Variants in KATNAL1 observed in about 807,000 individuals in gnomAD.
The protein encoded by KATNAL1 is katanin catalytic subunit A1 like 1.
In KATNAL1, 32 loss-of-function variants were observed where a neutral mutation model predicts 55.2. The ratio of observed to expected loss-of-function variants is 0.58; its 90% CI spans 0.44 to 0.78. The LOEUF is 0.78. Among genes scored for constraint, KATNAL1 ranks in the 30% least tolerant of loss-of-function variants. The pLI is 0.00. For missense variants in KATNAL1, 466 were observed against 600.9 expected (o/e 0.78, Z 2.35); for synonymous variants, 193 against 193.6 (o/e 1.00, Z 0.02).
At chr13:30,292,028 T>C (rs2137554432) in intron 1 of KATNAL1, among the ~76,000 whole-genome samples, 1 of 151,462 alleles carries the variant, frequency 6.6e-6, no homozygotes, top group Non-Finnish European at 1.5e-5. Flanking sequence ...AGAGCGAAAC[T>C]CCATCTCAAA....
chr13:30,278,813 T>A (rs1393901294), intron 3 of KATNAL1, among the ~76,000 whole-genome samples: 8 of 152,346 alleles, frequency 5.3e-5, no homozygotes, highest in Middle Eastern at 3.4e-3. Context: ...GGAACTTCCA[T>A]GGTAACACTG....
intron 1 of KATNAL1, among the ~76,000 whole-genome samples, chr13:30,302,762 TGA>T (rs368062601): frequency 1.3e-5 from 2 of 152,328 alleles, no homozygotes; most frequent in Admixed American, 6.5e-5. Context: ...TAACATCCTT[TGA>T]GAGAGGGGCC....
Position 30,277,851 on chromosome 13 carries a change from C to T in KATNAL1, c.323+2212G>A, listed in dbSNP as rs371363019. 8.6e-5 allele frequency among the ~76,000 whole-genome samples: 13 copies of T among 150,682 alleles called. No individual in the cohort carries two copies. The East Asian group carries it at 1.6e-3, about 18-fold the overall frequency. On this transcript the variant is annotated intron_variant, in intron 3 of 10. Coordinates refer to ENST00000380615, the MANE Select transcript of KATNAL1 (RefSeq NM_032116.5). ...ACAAAAAATTAGCCGGGCGTAGTGG[C>T]GGGCGCCTGTAGTCCCAGCTACTTG...
chr13:30,260,468 T>C (rs960326629), intron 3 of KATNAL1, among the ~76,000 whole-genome samples: 8 of 152,002 alleles, frequency 5.3e-5, no homozygotes, highest in African/African-American at 1.7e-4. Context: ...GTTGAAAACT[T>C]TGAAAAAAGT....
intron 3 of KATNAL1, among the ~76,000 whole-genome samples, chr13:30,278,156 C>A (rs1454716484): frequency 2.0e-5 from 3 of 151,718 alleles, no homozygotes; most frequent in Non-Finnish European, 4.4e-5. Flanking sequence ...TCTAGTAGAA[C>A]CTTGTGGAGT....
intron 4 of KATNAL1, among the ~76,000 whole-genome samples, chr13:30,254,727 A>T (rs894683594): frequency 1.3e-5 from 2 of 152,240 alleles, no homozygotes. Flanking sequence ...TGATTACATT[A>T]TCATTCATTT....
At position 30,243,301 on chromosome 13, in the gene KATNAL1, A is replaced by C. The variant is rs111943094; in HGVS notation, c.493-2215T>G. Among the ~76,000 whole-genome samples the C allele has an allele frequency of 6.2e-3, 944 of 152,330 alleles. 6 individuals carry two copies. The highest frequency in any genetic ancestry group is 0.024 in the South Asian group (114 of 4,830). ...TTCTATTTGAGGAAAATTAGGCTCA[A>C]AGTGACTAACCAAATATTACAGAGC... On this transcript the variant is annotated intron_variant, in intron 4 of 10. Transcript: ENST00000380615.
rs1445122685 is a variant in KATNAL1 at position 30,223,488 on chromosome 13, C to T, written c.1147+3924G>A. 2.6e-5 allele frequency among the ~76,000 whole-genome samples: 3 copies of T among 117,472 alleles called. No individual in the cohort carries two copies. The East Asian group carries it at 6.8e-4, about 27-fold the overall frequency. 77.1% of individuals were successfully genotyped at this position (117,472 alleles called of 152,430 possible). A position where few individuals can be genotyped will look rare whatever the true frequency, so the allele number is the denominator to read the frequency against. On this transcript the variant is annotated intron_variant, in intron 9 of 10. Coordinates refer to ENST00000380615, the MANE Select transcript of KATNAL1 (RefSeq NM_032116.5). The stretch of plus-strand genomic sequence containing the variant: ...AAAAACTGCACCGTAAATATAAAGA[C>T]AGGGTAGGGTAAAAATTAAAGATAA...
At chr13:30,299,740 G>A (rs1882746131) in intron 1 of KATNAL1, among the ~76,000 whole-genome samples, 1 of 152,154 alleles carries the variant, frequency 6.6e-6, no homozygotes, top group Non-Finnish European at 1.5e-5. Flanking sequence ...AACTGACCCA[G>A]CAAAGTTGCC....
intron 3 of KATNAL1, among the ~76,000 whole-genome samples, chr13:30,261,533 A>C (rs557610757): frequency 1.9e-4 from 29 of 152,310 alleles, no homozygotes; most frequent in East Asian, 1.2e-3. Context: ...TCTACCAAGC[A>C]AATGGAAAAC....
intron 3 of KATNAL1, among the ~76,000 whole-genome samples, chr13:30,274,899 G>GCA (rs1437272219): frequency 1.2e-4 from 14 of 112,374 alleles, no homozygotes; most frequent in South Asian, 2.9e-4. Flanking sequence ...ATACGCGCGC[G>GCA]CGCGCGCGCA....
chr13:30,261,732 C>G (rs1280838012), intron 3 of KATNAL1, among the ~76,000 whole-genome samples: 1 of 152,160 alleles, frequency 6.6e-6, no homozygotes, highest in Non-Finnish European at 1.5e-5. Context: ...CCTGAGTGAC[C>G]TACAAAGAGA....
chr13:30,205,929 T>A lies in KATNAL1; in HGVS notation c.*2611A>T, dbSNP rs1208164085. On this transcript the variant is annotated 3_prime_UTR_variant, in exon 11 of 11. Coordinates refer to ENST00000380615, the MANE Select transcript of KATNAL1 (RefSeq NM_032116.5). ...CAACACACTGTCTTCTGAAATAGTG[T>A]GTGTGTGTGTGTGTGTGTGTGTGTG... 1.1e-4 allele frequency: 1 copy of A among 9,478 alleles called. No homozygotes were observed. The highest frequency in any genetic ancestry group is 1.6e-3 in the Admixed American group (1 of 620). The allele number at this position is 9,478 out of a possible 1,614,324, so 0.6% of individuals were successfully genotyped here.
chr13:30,248,232 C>CA (rs1877972794), intron 4 of KATNAL1, among the ~76,000 whole-genome samples: 1 of 151,934 alleles, frequency 6.6e-6, no homozygotes, highest in Admixed American at 6.6e-5. Context: ...TCATCCCTGT[C>CA]AAAGACTAAG....
At chr13:30,216,880 G>C (rs547679384) in intron 9 of KATNAL1, among the ~76,000 whole-genome samples, 1 of 152,304 alleles carries the variant, frequency 6.6e-6, no homozygotes, top group South Asian at 2.1e-4. Context: ...GAATACCACT[G>C]TATGTGTAAA....
chr13:30,263,204 T>C (rs1202732643), intron 3 of KATNAL1, among the ~76,000 whole-genome samples: 2 of 152,168 alleles, frequency 1.3e-5, no homozygotes, highest in Non-Finnish European at 2.9e-5. Context: ...AAATTAGGTA[T>C]TGATGGGACG....
Position 30,241,092 on chromosome 13 carries a change from G to T in KATNAL1, c.493-6C>A. On this transcript the variant is annotated splice_polypyrimidine_tract_variant and splice_region_variant and intron_variant, in intron 4 of 10. Transcript: ENST00000380615. ...TCTTGCATATTCTTCCTTCCCTGGGGATAGGTATAAAAAAAAAGTACTAGT... is the reference window on the plus strand; with the variant it reads ...TCTTGCATATTCTTCCTTCCCTGGGTATAGGTATAAAAAAAAAGTACTAGT... 6.2e-7 allele frequency: 1 copy of T among 1,609,988 alleles called. No homozygotes were observed. Among genetic ancestry groups the T allele is most frequent in the Non-Finnish European group, 8.5e-7 (1 of 1,178,984 alleles).
chr13:30,223,089 C>T lies in KATNAL1; in HGVS notation c.1147+4323G>A, dbSNP rs375634010. 1.9e-4 allele frequency among the ~76,000 whole-genome samples: 28 copies of T among 151,086 alleles called. 2 individuals are homozygous for T. In the East Asian group the frequency reaches 2.1e-3, roughly 12 times the overall value. On this transcript the variant is annotated intron_variant, in intron 9 of 10. Coordinates refer to ENST00000380615, the MANE Select transcript of KATNAL1 (RefSeq NM_032116.5). ...CCGCCTGGGCAACAGAGTGAGGCTC[C>T]GACTTAAACAAACAAACAAAAAAGA...
intron 6 of KATNAL1, among the ~76,000 whole-genome samples, chr13:30,232,778 T>G (rs1227994538): frequency 3.9e-5 from 6 of 152,156 alleles, no homozygotes; most frequent in Non-Finnish European, 8.8e-5. Context: ...CTGTATCTCT[T>G]TGTCTACTGG....
Sources: gnomAD v4.1 joint callset for allele counts (sites outside exome capture counted in the v4.1 genomes callset) on GRCh38, gnomAD v4.1.1 for gene constraint, MANE v1.5 for transcripts, NCBI Gene and HGNC (gene_info 2026-07-23, HGNC 2026-07-21) for gene names.